NCKAP5: variants seen among roughly 807,000 people sequenced by gnomAD.
The protein encoded by NCKAP5 is NCK associated protein 5.
Under a neutral mutation model 167.0 loss-of-function variants are expected in NCKAP5, and 92 were observed. The observed-to-expected ratio is 0.55, with a 90% CI of 0.47 to 0.66. The LOEUF is 0.66. NCKAP5 is among the 30% of genes least tolerant of loss of function. NCKAP5 has a pLI of 0.00. For missense variants in NCKAP5, 2,378 were observed against 2,315.0 expected, an observed-to-expected ratio of 1.03 and a Z score of -0.56; for synonymous variants, 891 against 877.4, an observed-to-expected ratio of 1.02 and a Z score of -0.27.
intron 19 of NCKAP5, among the ~76,000 whole-genome samples, chr2:132,689,240 C>A (rs1010199603): frequency 5.3e-5 from 8 of 152,070 alleles, no homozygotes; most frequent in African/African-American, 1.9e-4. Flanking sequence ...AAGATAGGAA[C>A]TGCATGGATT....
chr2:133,040,653 A>G (rs1443126564), intron 6 of NCKAP5, among the ~76,000 whole-genome samples: 1 of 152,212 alleles, frequency 6.6e-6, no homozygotes, highest in African/African-American at 2.4e-5. Context: ...GTTTTCAAAA[A>G]TGAGAGGAAA....
intron 11 of NCKAP5, among the ~76,000 whole-genome samples, chr2:132,833,310 T>A (rs1687649726): frequency 6.6e-6 from 1 of 152,178 alleles, no homozygotes; most frequent in Admixed American, 6.5e-5. Context: ...TATTCTCCCA[T>A]TCTGCAGGTT....
At chr2:133,188,006 T>A (rs2085026495) in intron 5 of NCKAP5, among the ~76,000 whole-genome samples, 1 of 152,082 alleles carries the variant, frequency 6.6e-6, no homozygotes, top group Non-Finnish European at 1.5e-5. Flanking sequence ...GTGAATTTGA[T>A]CCTGTCATCA....
At chr2:132,799,409 G>A (rs1194247318) in intron 11 of NCKAP5, among the ~76,000 whole-genome samples, 9 of 152,106 alleles carry the variant, frequency 5.9e-5, no homozygotes, top group Admixed American at 5.9e-4. Flanking sequence ...AAAAGGTGAA[G>A]TTAAATAAAA....
At chr2:133,450,683 T>C (rs1691496276) in intron 3 of NCKAP5, among the ~76,000 whole-genome samples, 1 of 152,202 alleles carries the variant, frequency 6.6e-6, no homozygotes, top group Non-Finnish European at 1.5e-5. Context: ...TTCTATTCTC[T>C]TTATTCATAC....
At chr2:132,687,256 G>A (rs1370319791) in intron 19 of NCKAP5, among the ~76,000 whole-genome samples, 1 of 152,148 alleles carries the variant, frequency 6.6e-6, no homozygotes, top group Non-Finnish European at 1.5e-5. Flanking sequence ...CGCCTCTGCA[G>A]ATCTTTAGCC....
At chr2:133,132,244 A>G (rs10169222) in intron 5 of NCKAP5, among the ~76,000 whole-genome samples, 72,766 of 149,670 alleles carry the variant, frequency 0.49, 18,285 homozygotes, top group African/African-American at 0.64. Flanking sequence ...CCGAGATTAC[A>G]CCACTGCAAT....
At chr2:133,054,861 T>A (rs2079739985) in intron 6 of NCKAP5, among the ~76,000 whole-genome samples, 1 of 151,974 alleles carries the variant, frequency 6.6e-6, no homozygotes, top group Non-Finnish European at 1.5e-5. Context: ...TTTATTAGAG[T>A]TTTGACCTAT....
At chr2:133,546,172 A>G (rs1686652869) in intron 2 of NCKAP5, among the ~76,000 whole-genome samples, 1 of 151,630 alleles carries the variant, frequency 6.6e-6, no homozygotes, top group Non-Finnish European at 1.5e-5. Context: ...GGCTGAGCTC[A>G]GATCTTCAGA....
chr2:132,988,306 T>TA (rs2077349049), intron 7 of NCKAP5, among the ~76,000 whole-genome samples: 1 of 151,872 alleles, frequency 6.6e-6, no homozygotes, highest in Non-Finnish European at 1.5e-5. Context: ...TACTTAAATA[T>TA]AAAAAATTAA....
intron 8 of NCKAP5, among the ~76,000 whole-genome samples, chr2:132,927,697 C>A (rs1161066477): frequency 6.6e-6 from 1 of 151,816 alleles, no homozygotes; most frequent in Non-Finnish European, 1.5e-5. Context: ...ATAAAAATGC[C>A]ACTGATTTTT....
intron 8 of NCKAP5, among the ~76,000 whole-genome samples, chr2:132,884,273 T>C (rs1692035896): frequency 6.6e-6 from 1 of 152,194 alleles, no homozygotes; most frequent in African/African-American, 2.4e-5. Context: ...TTAAGCACAG[T>C]TATTGGTTAT....
intron 6 of NCKAP5, among the ~76,000 whole-genome samples, chr2:133,008,906 C>A (rs139828373): frequency 1.3e-5 from 2 of 152,122 alleles, no homozygotes; most frequent in Admixed American, 6.5e-5. Flanking sequence ...ATTTTTCTGC[C>A]AGCAGCTATG....
intron 6 of NCKAP5, among the ~76,000 whole-genome samples, chr2:133,063,297 T>C (rs948937253): frequency 8.5e-5 from 13 of 152,228 alleles, no homozygotes; most frequent in Non-Finnish European, 8.8e-5. Flanking sequence ...AATAATTCTA[T>C]TGTCATATCA....
chr2:133,010,193 A>G, intron 6 of NCKAP5, among the ~76,000 whole-genome samples: 1 of 152,242 alleles, frequency 6.6e-6, no homozygotes, highest in South Asian at 2.1e-4. Flanking sequence ...AACATAACTA[A>G]TGATCTTATT....
At chr2:133,484,124 T>A (rs948284558) in intron 3 of NCKAP5, among the ~76,000 whole-genome samples, 2 of 152,162 alleles carry the variant, frequency 1.3e-5, no homozygotes, top group Non-Finnish European at 2.9e-5. Context: ...CCCACCAGTG[T>A]CTAGATCCTT....
intron 7 of NCKAP5, among the ~76,000 whole-genome samples, chr2:132,982,850 T>C (rs2077181477): frequency 6.6e-6 from 1 of 152,240 alleles, no homozygotes; most frequent in Admixed American, 6.5e-5. Context: ...ATGATTTCTT[T>C]CTTTTTTATG....
intron 3 of NCKAP5, among the ~76,000 whole-genome samples, chr2:133,424,134 G>T (rs1178061865): frequency 6.6e-6 from 1 of 152,136 alleles, no homozygotes; most frequent in African/African-American, 2.4e-5. Flanking sequence ...TAAAGTGATG[G>T]ATTGTTTAAG....
intron 2 of NCKAP5, among the ~76,000 whole-genome samples, chr2:133,525,318 T>C (rs1684781100): frequency 6.6e-6 from 1 of 152,224 alleles, no homozygotes; most frequent in East Asian, 1.9e-4. Context: ...TCATGCTCAC[T>C]AAACGTCTCA....
Sources: gnomAD v4.1 joint callset for allele counts (sites outside exome capture counted in the v4.1 genomes callset) on GRCh38, gnomAD v4.1.1 for gene constraint, MANE v1.5 for transcripts, NCBI Gene and HGNC (gene_info 2026-07-23, HGNC 2026-07-21) for gene names.